Variants in NSG1 observed in about 807,000 individuals in gnomAD.
The protein encoded by NSG1 is neuronal vesicle trafficking associated 1, also known as neuronal vesicle trafficking-associated protein 1.
In NSG1, 9 loss-of-function variants were observed where a neutral mutation model predicts 19.3. The ratio of observed to expected loss-of-function variants is 0.47; its 90% CI spans 0.28 to 0.81. The LOEUF (loss-of-function observed/expected upper bound fraction) is 0.81, where lower values mean the gene tolerates loss of function less well. NSG1 is among the 40% of genes least tolerant of loss of function. The pLI, the probability that NSG1 is intolerant of heterozygous loss-of-function variation, is 0.11. For missense variants in NSG1, 236 were observed against 242.4 expected, an observed-to-expected ratio of 0.97 and a Z score of 0.18; for synonymous variants, 104 against 107.0, an observed-to-expected ratio of 0.97 and a Z score of 0.17.
At chr4:4,407,177 G>A (rs1332546655) in intron 3 of NSG1, among the ~76,000 whole-genome samples, 1 of 152,168 alleles carries the variant, frequency 6.6e-6, no homozygotes, top group Non-Finnish European at 1.5e-5. Context: ...CTTAGAGAGG[G>A]TGATGGCCCT....
intron 3 of NSG1, among the ~76,000 whole-genome samples, chr4:4,400,472 G>A (rs4402980): frequency 6.6e-6 from 1 of 151,972 alleles, no homozygotes; most frequent in African/African-American, 2.4e-5. Flanking sequence ...TTCCATTTTC[G>A]GCAAACAAAC....
intron 3 of NSG1, among the ~76,000 whole-genome samples, chr4:4,396,628 T>G (rs980418138): frequency 6.6e-6 from 1 of 152,136 alleles, no homozygotes; most frequent in African/African-American, 2.4e-5. Flanking sequence ...CAGAGGACTC[T>G]GTGGGTGGTT....
intron 3 of NSG1, among the ~76,000 whole-genome samples, chr4:4,408,248 C>G (rs1408287373): frequency 3.3e-5 from 5 of 152,094 alleles, no homozygotes; most frequent in Non-Finnish European, 1.5e-5. Context: ...GCTGTAGGGT[C>G]TGTATGTGGC....
chr4:4,393,376 A>C (rs568617530), intron 3 of NSG1, among the ~76,000 whole-genome samples: 3 of 152,298 alleles, frequency 2.0e-5, no homozygotes, highest in African/African-American at 7.2e-5. Flanking sequence ...TTGCCTAAGG[A>C]ATGGGTGATG....
intron 3 of NSG1, among the ~76,000 whole-genome samples, chr4:4,395,656 C>T (rs1375025660): frequency 6.6e-6 from 1 of 152,140 alleles, no homozygotes; most frequent in African/African-American, 2.4e-5. Context: ...CCTGCCAGGG[C>T]CCAGTCGAAG....
intron 3 of NSG1, among the ~76,000 whole-genome samples, chr4:4,406,402 A>G (rs922927748): frequency 9.2e-5 from 14 of 152,182 alleles, no homozygotes; most frequent in Admixed American, 3.3e-4. Flanking sequence ...TTTCAGATGC[A>G]CAGAATAAAA....
chr4:4,395,591 C>A (rs1048893229), intron 3 of NSG1, among the ~76,000 whole-genome samples: 2 of 152,082 alleles, frequency 1.3e-5, no homozygotes, highest in African/African-American at 4.8e-5. Context: ...GCTGGAGACA[C>A]GGGCATGATG....
chr4:4,412,154 C>T (rs949032346), intron 4 of NSG1, among the ~76,000 whole-genome samples: 2 of 152,150 alleles, frequency 1.3e-5, no homozygotes, highest in Non-Finnish European at 2.9e-5. Flanking sequence ...CATCGTTGAC[C>T]CAAATGCTGT....
intron 3 of NSG1, among the ~76,000 whole-genome samples, chr4:4,392,959 G>C (rs1479149435): frequency 6.6e-6 from 1 of 152,118 alleles, no homozygotes; most frequent in East Asian, 1.9e-4. Context: ...CCAGGACCAA[G>C]ACATACTGAT....
intron 3 of NSG1, among the ~76,000 whole-genome samples, chr4:4,400,266 C>A (rs1723476016): frequency 6.6e-6 from 1 of 152,152 alleles, no homozygotes; most frequent in Middle Eastern, 3.2e-3. Flanking sequence ...AATCAGTTGA[C>A]CATGGACTCA....
chr4:4,412,905 A>G (rs1724293594), intron 4 of NSG1, among the ~76,000 whole-genome samples: 1 of 152,250 alleles, frequency 6.6e-6, no homozygotes, highest in Admixed American at 6.5e-5. Flanking sequence ...TTTGGGTTTC[A>G]TTTAGGTTTT....
intron 1 of NSG1, 28 bp from the exon 2 acceptor site, chr4:4,387,576 G>A: frequency 6.7e-7 from 1 of 1,488,988 alleles, no homozygotes; most frequent in Non-Finnish European, 9.2e-7. Context: ...CTTGCTTGTG[G>A]TGACTCCCCC....
intron 3 of NSG1, among the ~76,000 whole-genome samples, chr4:4,403,313 C>T (rs1577288216): frequency 1.3e-5 from 2 of 152,324 alleles, no homozygotes; most frequent in East Asian, 3.9e-4. Flanking sequence ...TTCATTGCAC[C>T]AAAATCAAGG....
chr4:4,408,087 T>C (rs2108747954), intron 3 of NSG1, among the ~76,000 whole-genome samples: 1 of 152,200 alleles, frequency 6.6e-6, no homozygotes, highest in East Asian at 1.9e-4. Context: ...AGATGGGAAC[T>C]GGGGACTGCA....
At chr4:4,416,701 C>T (rs546364958) in intron 4 of NSG1, among the ~76,000 whole-genome samples, 50 of 152,198 alleles carry the variant, frequency 3.3e-4, no homozygotes, top group Middle Eastern at 3.4e-3. Context: ...GCCATCTTCC[C>T]AGCCCCTAGT....
intron 3 of NSG1, among the ~76,000 whole-genome samples, chr4:4,404,255 G>T (rs188742164): frequency 2.0e-5 from 3 of 152,208 alleles, no homozygotes; most frequent in South Asian, 2.1e-4. Context: ...TGAATTGGAC[G>T]GTCTCCAGCT....
intron 3 of NSG1, among the ~76,000 whole-genome samples, chr4:4,395,597 T>C (rs1723212127): frequency 6.6e-6 from 1 of 152,124 alleles, no homozygotes. Flanking sequence ...GACACGGGCA[T>C]GATGGAGGGT....
chr4:4,418,892 GT>G lies in NSG1; in HGVS notation c.*1458del, dbSNP rs1157700743. 1 of 152,276 alleles carries G rather than the reference GT, an allele frequency of 6.6e-6. No homozygotes were observed. The allele number at this position is 152,276 out of a possible 1,614,324, so 9.4% of individuals were successfully genotyped here. On this transcript the variant is annotated 3_prime_UTR_variant, in exon 5 of 5. Transcript: ENST00000621129. Reference sequence around the variant, plus strand: ...AAAATGACTCAAGAGCAATAAATCAGTGCCAAAGCTTCCCTGCGCATCTGAA... The same window carrying G: ...AAAATGACTCAAGAGCAATAAATCAGGCCAAAGCTTCCCTGCGCATCTGAA...
intron 3 of NSG1, among the ~76,000 whole-genome samples, chr4:4,396,541 A>G (rs1457138992): frequency 6.6e-6 from 1 of 152,164 alleles, no homozygotes; most frequent in African/African-American, 2.4e-5. Context: ...ACTTGGCAGG[A>G]GAGCCCTCGT....
Sources: allele counts gnomAD v4.1 joint callset (sites outside exome capture counted in the v4.1 genomes callset), GRCh38; gene constraint gnomAD v4.1.1; transcripts MANE v1.5; gene names NCBI Gene and HGNC (gene_info 2026-07-23, HGNC 2026-07-21).